Variants in EBF3 observed in about 807,000 individuals in gnomAD.
The protein encoded by EBF3 is transcription factor COE3.
EBF3 carries 18 observed loss-of-function variants against 77.1 expected under a neutral mutation model. The observed-to-expected ratio is 0.23, with a 90% confidence interval of 0.16 to 0.35. The LOEUF (loss-of-function observed/expected upper bound fraction) is 0.35, where lower values mean the gene tolerates loss of function less well. Among genes scored for constraint, EBF3 ranks in the 10% least tolerant of loss-of-function variants. The probability of loss-of-function intolerance (pLI) is 1.00; values close to 1 mark genes in which losing one functional copy is unlikely to be tolerated. For synonymous variants in EBF3, 350 were observed against 343.5 expected, an observed-to-expected ratio of 1.02 and a Z score of -0.21; for missense variants, 558 against 860.0, an observed-to-expected ratio of 0.65 and a Z score of 4.39.
intron 6 of EBF3, among the ~76,000 whole-genome samples, chr10:129,883,351 C>T: frequency 6.6e-6 from 1 of 152,232 alleles, no homozygotes; most frequent in East Asian, 1.9e-4. Flanking sequence ...GGGTTCCAGC[C>T]TCGGTCCTAG....
chr10:129,846,788 C>A (rs1225247150), intron 11 of EBF3, among the ~76,000 whole-genome samples: 2 of 152,090 alleles, frequency 1.3e-5, no homozygotes, highest in African/African-American at 4.8e-5. Context: ...GAAGCCTGAA[C>A]AATACGTTTT....
chr10:129,910,534 A>G (rs1488226997), intron 6 of EBF3, among the ~76,000 whole-genome samples: 1 of 152,128 alleles, frequency 6.6e-6, no homozygotes, highest in Admixed American at 6.5e-5. Flanking sequence ...AGTTTGGCAG[A>G]TATACACCAA....
In EBF3 at chr10:129,873,474, C is replaced by T; in HGVS notation, c.759G>A (p.Thr253=). The T allele has an allele frequency of 2.5e-6, 4 of 1,570,564 alleles. No homozygotes were observed. The highest frequency in any genetic ancestry group is 2.6e-6 in the Non-Finnish European group (3 of 1,156,362). ...RARRLDPSEG[T]APSYLENATP... The stretch of plus-strand genomic sequence containing the variant: ...TACCATTTTCCAGATAAGAAGGGGC[C>T]GTACCTTCTGACGGGTCTAGGCGGC... The change falls in exon 8 of 17, where the codon ACG becomes ACA. Residue 253 remains threonine (T), a synonymous_variant. Transcript: ENST00000440978.
At chr10:129,846,147 T>TGTGTGTGTGTG (rs58598111) in intron 11 of EBF3, among the ~76,000 whole-genome samples, 1 of 146,994 alleles carries the variant, frequency 6.8e-6, no homozygotes, top group African/African-American at 2.6e-5. Context: ...TGTGTGTGTG[T>TGTGTGTGTGTG]AAAACATTTG....
chr10:129,875,184 CTTCT>C (rs1331916926), intron 7 of EBF3, among the ~76,000 whole-genome samples: 1,440 of 117,518 alleles, frequency 0.012, 36 homozygotes, highest in Non-Finnish European at 0.02. Context: ...GTGATGGCTT[CTTCT>C]TTTTTTTTTT....
chr10:129,859,388 A>AT (rs1351729985), intron 10 of EBF3, among the ~76,000 whole-genome samples: 3 of 151,528 alleles, frequency 2.0e-5, no homozygotes, highest in East Asian at 1.9e-4. Flanking sequence ...CACCTGGCTA[A>AT]TTTTTTTTGT....
chr10:129,953,608 G>A (rs1042781905), intron 6 of EBF3, among the ~76,000 whole-genome samples: 2 of 152,230 alleles, frequency 1.3e-5, no homozygotes, highest in African/African-American at 4.8e-5. Flanking sequence ...GGTGCCATCT[G>A]GAACCGCCCC....
At chr10:129,955,137 A>G (rs1007299637) in intron 6 of EBF3, among the ~76,000 whole-genome samples, 1 of 152,238 alleles carries the variant, frequency 6.6e-6, no homozygotes, top group African/African-American at 2.4e-5. Flanking sequence ...GATTTACAAC[A>G]GACAACACAA....
At chr10:129,851,506 A>T (rs1368772474) in intron 10 of EBF3, among the ~76,000 whole-genome samples, 1 of 152,156 alleles carries the variant, frequency 6.6e-6, no homozygotes, top group Non-Finnish European at 1.5e-5. Context: ...AACAAAAACA[A>T]ATGTTATTTT....
intron 7 of EBF3, among the ~76,000 whole-genome samples, chr10:129,874,911 G>A (rs533941511): frequency 2.0e-5 from 3 of 152,212 alleles, no homozygotes; most frequent in African/African-American, 4.8e-5. Context: ...CAGCATAATC[G>A]GGGAAACCAG....
chr10:129,838,594 C>CT (rs1410766206), intron 16 of EBF3, among the ~76,000 whole-genome samples: 5 of 152,196 alleles, frequency 3.3e-5, no homozygotes, highest in African/African-American at 1.2e-4. Flanking sequence ...GCCTCGGGAC[C>CT]TTTTTTCTCT....
At chr10:129,948,758 G>A (rs1346823848) in intron 6 of EBF3, among the ~76,000 whole-genome samples, 1 of 152,204 alleles carries the variant, frequency 6.6e-6, no homozygotes, top group African/African-American at 2.4e-5. Flanking sequence ...ATCTGCATCA[G>A]ATGCAGAGGA....
intron 10 of EBF3, among the ~76,000 whole-genome samples, chr10:129,851,543 G>GTTAT (rs2133994695): frequency 2.0e-5 from 3 of 152,160 alleles, no homozygotes; most frequent in Admixed American, 2.0e-4. Flanking sequence ...AAAACAATAC[G>GTTAT]TTTCTCAAAA....
intron 6 of EBF3, among the ~76,000 whole-genome samples, chr10:129,954,343 G>A (rs1452072655): frequency 6.6e-6 from 1 of 151,940 alleles, no homozygotes; most frequent in Non-Finnish European, 1.5e-5. Context: ...TTATGAGAAA[G>A]AAAACAGTTA....
At position 129,905,067 on chromosome 10, in the gene EBF3, C is replaced by T. The variant is rs560412821; in HGVS notation, c.555-27218G>A. On this transcript the variant is annotated intron_variant, in intron 6 of 16. Coordinates refer to ENST00000440978, the MANE Select transcript of EBF3 (RefSeq NM_001375380.1). ...GAGTTCGTCCCACTAGAGATGTGCC[C>T]TCTAGGGTGAGGTGACTCTGGACCC... is the stretch of plus-strand genomic sequence containing the variant. Among the ~76,000 whole-genome samples the T allele has an allele frequency of 2.6e-5, 4 of 152,376 alleles. No individual in the cohort carries two copies. The East Asian group carries it at 7.7e-4, about 29-fold the overall frequency.
At chr10:129,942,110 C>T (rs2134495787) in intron 6 of EBF3, among the ~76,000 whole-genome samples, 1 of 152,316 alleles carries the variant, frequency 6.6e-6, no homozygotes, top group Non-Finnish European at 1.5e-5. Flanking sequence ...GGGCACCAGG[C>T]CTCTCTCAGC....
At chr10:129,960,628 C>G (rs1483827475) in intron 4 of EBF3, among the ~76,000 whole-genome samples, 1 of 115,246 alleles carries the variant, frequency 8.7e-6, no homozygotes, top group African/African-American at 3.3e-5. Flanking sequence ...TATTTCTTTC[C>G]TTTTTTTTTT....
intron 6 of EBF3, among the ~76,000 whole-genome samples, chr10:129,904,075 A>G (rs940618433): frequency 2.6e-5 from 4 of 152,178 alleles, no homozygotes; most frequent in African/African-American, 9.7e-5. Flanking sequence ...TTGGTGGAAG[A>G]TATTCAGGCA....
chr10:129,930,126 A>G (rs1856907118), intron 6 of EBF3, among the ~76,000 whole-genome samples: 1 of 152,200 alleles, frequency 6.6e-6, no homozygotes, highest in African/African-American at 2.4e-5. Context: ...GATTCACACC[A>G]GCAGTCCCGT....
Sources: gnomAD v4.1 joint callset for allele counts (sites outside exome capture counted in the v4.1 genomes callset) on GRCh38, gnomAD v4.1.1 for gene constraint, MANE v1.5 for transcripts, NCBI Gene and HGNC (gene_info 2026-07-23, HGNC 2026-07-21) for gene names.